Variants in CCDC149 observed in about 807,000 individuals in gnomAD.
The protein encoded by CCDC149 is coiled-coil domain containing 149, also known as coiled-coil domain-containing protein 149.
In CCDC149, 45 loss-of-function variants were observed where a neutral mutation model predicts 59.9. The observed-to-expected ratio is 0.75, with a 90% CI of 0.59 to 0.96. The LOEUF (loss-of-function observed/expected upper bound fraction) is 0.96, where lower values mean the gene tolerates loss of function less well. Among genes scored for constraint, CCDC149 ranks in the 40% least tolerant of loss-of-function variants. CCDC149 has a pLI of 0.00. For synonymous variants in CCDC149, 245 were observed against 260.6 expected, an observed-to-expected ratio of 0.94 and a Z score of 0.58; for missense variants, 584 against 664.7, an observed-to-expected ratio of 0.88 and a Z score of 1.33.
chr4:24,884,373 AC>A (rs1343095384), intron 1 of CCDC149, among the ~76,000 whole-genome samples: 1 of 152,214 alleles, frequency 6.6e-6, no homozygotes, highest in African/African-American at 2.4e-5. Context: ...GATGCAGCGG[AC>A]TATACCATGT....
rs144102600 is a variant in CCDC149, at chr4:24,848,564, T to A, written c.372+4508A>T. 1.2e-3 allele frequency among the ~76,000 whole-genome samples: 177 copies of A among 144,816 alleles called. 1 individual carries two copies. Among genetic ancestry groups the A allele is most frequent in the African/African-American group, 4.5e-3 (171 of 37,828 alleles). ...AGCCTGGTGACAGAGTGAGACTCCA[T>A]CTCAAATAAATAAATAAATAAATAA... is the stretch of plus-strand genomic sequence containing the variant. On this transcript the variant is annotated intron_variant, in intron 4 of 12. Transcript: ENST00000635206.
intron 1 of CCDC149, among the ~76,000 whole-genome samples, chr4:24,906,415 A>ATTTTATTTTATTTATTTTAT (rs1207373356): frequency 7.9e-6 from 1 of 126,508 alleles, no homozygotes; most frequent in Admixed American, 7.4e-5. Flanking sequence ...ATTTTACTTT[A>ATTTTATTTTATTTATTTTAT]TTTGAGACAG....
At chr4:24,839,908 C>T (rs1022777115) in intron 4 of CCDC149, among the ~76,000 whole-genome samples, 1 of 152,136 alleles carries the variant, frequency 6.6e-6, no homozygotes, top group South Asian at 2.1e-4. Context: ...TTCACTGTCA[C>T]ACAGATCCGA....
intron 1 of CCDC149, among the ~76,000 whole-genome samples, chr4:24,972,551 G>A (rs1284143537): frequency 2.6e-5 from 4 of 151,846 alleles, no homozygotes; most frequent in African/African-American, 4.8e-5. Context: ...AAAGCAAGCC[G>A]CTCCCCTCGG....
At position 24,808,333 on chromosome 4, in the gene CCDC149, A is replaced by C; in HGVS notation, c.*56T>G. The C allele has an allele frequency of 7.1e-7, 1 of 1,399,224 alleles. No homozygotes were observed. Among genetic ancestry groups the C allele is most frequent in the Non-Finnish European group, 9.4e-7 (1 of 1,069,060 alleles). The allele number at this position is 1,399,224 out of a possible 1,614,324, so 86.7% of individuals were successfully genotyped here. A position where few individuals can be genotyped will look rare whatever the true frequency, so the allele number is the denominator to read the frequency against. Reference sequence around the variant, plus strand: ...CGTGAGCGCACCATTCCGATGCTTCATTCTTGACCCTCTCTGGGGCTTTCA... The same window carrying C: ...CGTGAGCGCACCATTCCGATGCTTCCTTCTTGACCCTCTCTGGGGCTTTCA... On this transcript the variant is annotated 3_prime_UTR_variant, in exon 13 of 13. Coordinates refer to ENST00000635206, the MANE Select transcript of CCDC149 (RefSeq NM_001330643.2).
chr4:24,816,973 C>T (rs890997107), intron 12 of CCDC149, among the ~76,000 whole-genome samples: 3 of 152,118 alleles, frequency 2.0e-5, no homozygotes, highest in African/African-American at 7.2e-5. Context: ...ATCACAGATG[C>T]GACAGTGATG....
chr4:24,877,209 G>A (rs1417986451), intron 1 of CCDC149, among the ~76,000 whole-genome samples: 8 of 151,656 alleles, frequency 5.3e-5, no homozygotes, highest in Non-Finnish European at 1.0e-4. Context: ...TTTTTGAGAC[G>A]GAGTCTTGCT....
chr4:24,831,846 T>A (rs1200748368), intron 8 of CCDC149, among the ~76,000 whole-genome samples, 196 bp from the exon 9 acceptor site: 1 of 152,232 alleles, frequency 6.6e-6, no homozygotes, highest in Non-Finnish European at 1.5e-5. Flanking sequence ...GAGGAAGTTC[T>A]CAGGACTTTC....
At chr4:24,895,611 C>G (rs1418874331) in intron 1 of CCDC149, among the ~76,000 whole-genome samples, 1 of 152,190 alleles carries the variant, frequency 6.6e-6, no homozygotes, top group African/African-American at 2.4e-5. Flanking sequence ...CTTCTCAAAC[C>G]TTTCCTCATT....
intron 4 of CCDC149, among the ~76,000 whole-genome samples, chr4:24,843,244 AG>A (rs1354436455): frequency 6.6e-6 from 1 of 152,224 alleles, no homozygotes; most frequent in African/African-American, 2.4e-5. Context: ...AGCTATCGAG[AG>A]GGTCAGATGA....
chr4:24,913,909 G>T (rs189516958), upstream of CCDC149, among the ~76,000 whole-genome samples: 4 of 152,354 alleles, frequency 2.6e-5, no homozygotes, highest in Admixed American at 2.6e-4. Flanking sequence ...CGTATTCAAG[G>T]TGCTGTTCCT....
intron 1 of CCDC149, among the ~76,000 whole-genome samples, chr4:24,958,422 G>A (rs559121241): frequency 6.6e-6 from 1 of 152,170 alleles, no homozygotes; most frequent in Admixed American, 6.5e-5. Flanking sequence ...CTAACATTGG[G>A]ATCCTACATT....
At chr4:24,855,420 G>A (rs193183355) in intron 3 of CCDC149, among the ~76,000 whole-genome samples, 16 of 152,146 alleles carry the variant, frequency 1.1e-4, no homozygotes, top group Admixed American at 9.8e-4. Context: ...ACAGAAATTA[G>A]CCAGGCATAG....
At chr4:24,838,415 A>G (rs578053711) in intron 4 of CCDC149, 143 bp from the exon 5 acceptor site, 6 of 641,580 alleles carry the variant, frequency 9.4e-6, no homozygotes, top group Non-Finnish European at 1.4e-5. Context: ...ACTTGCCAGT[A>G]TCATCCATTT....
chr4:24,835,256 T>C (rs1383991892), intron 7 of CCDC149, among the ~76,000 whole-genome samples: 2 of 152,220 alleles, frequency 1.3e-5, no homozygotes, highest in Non-Finnish European at 2.9e-5. Flanking sequence ...GGCAGAATGA[T>C]AGCAATTACA....
intron 4 of CCDC149, among the ~76,000 whole-genome samples, chr4:24,843,574 T>C (rs1272563622): frequency 6.6e-6 from 1 of 152,232 alleles, no homozygotes; most frequent in Admixed American, 6.5e-5. Context: ...CCTAGATTTA[T>C]ATGACATTCC....
chr4:24,891,585 C>T (rs551819055), intron 1 of CCDC149, among the ~76,000 whole-genome samples: 76 of 152,258 alleles, frequency 5.0e-4, no homozygotes, highest in African/African-American at 1.7e-3. Flanking sequence ...ATGGGTTGTT[C>T]GGTTTACTCT....
At chr4:24,852,686 AAAATTC>A (rs1210632560) in intron 4 of CCDC149, among the ~76,000 whole-genome samples, 1 of 152,260 alleles carries the variant, frequency 6.6e-6, no homozygotes, top group African/African-American at 2.4e-5. Flanking sequence ...ATGACTACTT[AAAATTC>A]AAAACCGAAT....
At chr4:24,942,090 CAAA>C (rs1050973410) in intron 1 of CCDC149, among the ~76,000 whole-genome samples, 2 of 151,954 alleles carry the variant, frequency 1.3e-5, no homozygotes, top group Admixed American at 1.3e-4. Context: ...AGAGATACAA[CAAA>C]AAAAGAGAAT....
Sources: allele counts gnomAD v4.1 joint callset (sites outside exome capture counted in the v4.1 genomes callset), GRCh38; gene constraint gnomAD v4.1.1; transcripts MANE v1.5; gene names NCBI Gene and HGNC (gene_info 2026-07-23, HGNC 2026-07-21).